SH3D21: variants seen among roughly 807,000 people sequenced by gnomAD.
SH3D21 encodes SH3 domain-containing protein 21.
In SH3D21, 83 loss-of-function variants were observed where a neutral mutation model predicts 82.1. The observed-to-expected ratio is 1.01, with a 90% confidence interval of 0.85 to 1.21. SH3D21 has a LOEUF of 1.21. Among genes scored for constraint, SH3D21 ranks in the 50% most tolerant of loss-of-function variants. SH3D21 has a pLI of 0.00. For synonymous variants in SH3D21, 383 were observed against 387.8 expected, an observed-to-expected ratio of 0.99 and a Z score of 0.15; for missense variants, 980 against 962.1, an observed-to-expected ratio of 1.02 and a Z score of -0.25.
downstream of SH3D21, chr1:36,322,516 C>T: frequency 6.2e-7 from 1 of 1,601,144 alleles, no homozygotes; most frequent in Non-Finnish European, 8.5e-7. Context: ...GGCAGCGTGT[C>T]GTCGGGGCCC....
At chr1:36,310,249 C>A (rs1293312205) in intron 10 of SH3D21, among the ~76,000 whole-genome samples, 2 of 152,206 alleles carry the variant, frequency 1.3e-5, no homozygotes, top group Admixed American at 6.5e-5. Context: ...CCACTGCGCC[C>A]AGCCTTATTT....
At chr1:36,321,570 T>A (rs544274629), downstream of SH3D21, 1 of 794,822 alleles carries the variant, frequency 1.3e-6, no homozygotes, top group South Asian at 2.9e-5. This position sits in a 1 kb window ranked among gnomAD's most constrained non-coding sequence, Gnocchi z 6.1. Flanking sequence ...GGCCTCCCTG[T>A]CCGCTCAGAG....
chr1:36,320,200 CAGA>C lies in SH3D21; in HGVS notation c.1540_1542del (p.Lys514del), dbSNP rs1309914501. 2 of 1,613,276 alleles carry C rather than the reference CAGA, an allele frequency of 1.2e-6. No individual in the cohort carries two copies. The highest frequency in any genetic ancestry group is 2.7e-5 in the African/African-American group (2 of 74,926). On this transcript the variant is annotated inframe_deletion, in exon 14 of 16. Transcript: ENST00000453908. Reference sequence around the variant, plus strand: ...TCACTTCTCTTCGGAGGAAGCCCTGCAGAAGGTCAAGTACTTTGTAGCCAAAGA... The same window carrying C: ...TCACTTCTCTTCGGAGGAAGCCCTGCAGGTCAAGTACTTTGTAGCCAAAGA...
intron 10 of SH3D21, among the ~76,000 whole-genome samples, chr1:36,310,780 G>GT (rs1378492916): frequency 6.6e-6 from 1 of 152,162 alleles, no homozygotes; most frequent in African/African-American, 2.4e-5. Flanking sequence ...GTTCCCCCAA[G>GT]TTTTTAAGTT....
chr1:36,321,323 C>T lies in SH3D21; in HGVS notation c.*196C>T. On this transcript the variant is annotated 3_prime_UTR_variant, in exon 16 of 16. Transcript: ENST00000453908. The surrounding 1 kb of genome is among the most constrained non-coding windows in gnomAD (Gnocchi z 6.1). The stretch of plus-strand genomic sequence containing the variant: ...ACGGTCCCTCCCAGGCACATCTGGC[C>T]AACATGTGGCTCCCATTACCGTTCC... 7.0e-7 allele frequency: 1 copy of T among 1,428,788 alleles called. No homozygotes were observed. Among genetic ancestry groups the T allele is most frequent in the Non-Finnish European group, 9.1e-7 (1 of 1,095,712 alleles). The allele number at this position is 1,428,788 out of a possible 1,614,324, so 88.5% of individuals were successfully genotyped here.
chr1:36,314,812 A>AT (rs766495129), intron 10 of SH3D21, among the ~76,000 whole-genome samples: 1 of 151,944 alleles, frequency 6.6e-6, no homozygotes, highest in Non-Finnish European at 1.5e-5. Context: ...CCATTTATCT[A>AT]TTTTTTTGGT....
chr1:36,312,244 T>C (rs181047981), intron 10 of SH3D21, among the ~76,000 whole-genome samples: 87 of 151,170 alleles, frequency 5.8e-4, no homozygotes, highest in South Asian at 1.9e-3. Context: ...AGGATGGTCT[T>C]GATCTCCTGA....
downstream of SH3D21, chr1:36,322,085 G>T: frequency 7.4e-7 from 1 of 1,355,422 alleles, no homozygotes; most frequent in Non-Finnish European, 9.4e-7. Flanking sequence ...ATCGACCCCA[G>T]AGAGGGAGTG....
Position 36,308,314 on chromosome 1 carries a change from A to G in SH3D21, c.640-75A>G. ...TAAAATAAACGTTGAAATTATATCC[A>G]TAAGAAGGAGTGGGACCCCGGAAAG... On this transcript the variant is annotated intron_variant, in intron 8 of 15. Transcript: ENST00000453908. 2.0e-6 allele frequency: 3 copies of G among 1,493,214 alleles called. No individual in the cohort carries two copies. The Middle Eastern group carries it at 5.2e-4, about 257-fold the overall frequency. The allele number at this position is 1,493,214 out of a possible 1,614,324, so 92.5% of individuals were successfully genotyped here. A position where few individuals can be genotyped will look rare whatever the true frequency, so the allele number is the denominator to read the frequency against.
In SH3D21 at chr1:36,307,247, A is replaced by G; in HGVS notation, c.307A>G (p.Lys103Glu). The change falls in exon 4 of 16, where the codon AAG becomes GAG. Residue 103 changes from lysine (K) to glutamate (E), a missense_variant. Physicochemically the swap from Lys to Glu is moderately conservative, Grantham distance 56. Transcript: ENST00000453908. The surrounding 1 kb of genome is among the most constrained non-coding windows in gnomAD (Gnocchi z 5.4). ...SYSPEQADEL[K>E]LQAGEIVEMI... ...CAGCCCAGAGCAGGCGGACGAGCTGAAGCTGCAAGCTGGGGAGATCGTGGA... is the reference window on the plus strand; with the variant it reads ...CAGCCCAGAGCAGGCGGACGAGCTGGAGCTGCAAGCTGGGGAGATCGTGGA... 6.4e-7 allele frequency: 1 copy of G among 1,551,808 alleles called. No individual in the cohort carries two copies. The highest frequency in any genetic ancestry group is 8.7e-7 in the Non-Finnish European group (1 of 1,147,010).
chr1:36,326,341 C>T (rs569238532), downstream of SH3D21, among the ~76,000 whole-genome samples: 2 of 151,932 alleles, frequency 1.3e-5, no homozygotes, highest in African/African-American at 2.4e-5. Flanking sequence ...GAGTGATTCT[C>T]CTGCCTCAGC....
chr1:36,310,913 T>TG (rs959875878), intron 10 of SH3D21, among the ~76,000 whole-genome samples: 27 of 151,080 alleles, frequency 1.8e-4, no homozygotes, highest in Non-Finnish European at 3.1e-4. Context: ...TTTGTTTGTT[T>TG]TTTTTTTTTT....
Position 36,306,449 on chromosome 1 carries a change from C to A in SH3D21, c.4+25C>A. 7.7e-7 allele frequency: 1 copy of A among 1,305,380 alleles called. No homozygotes were observed. Among genetic ancestry groups the A allele is most frequent in the Non-Finnish European group, 1.0e-6 (1 of 988,966 alleles). The allele number at this position is 1,305,380 out of a possible 1,614,324, so 80.9% of individuals were successfully genotyped here. On this transcript the variant is annotated intron_variant, in intron 1 of 15. Transcript: ENST00000453908. The surrounding 1 kb of genome is among the most constrained non-coding windows in gnomAD (Gnocchi z 4.5). ...GGTAAGTGCGGAGGCTTTGAGGTGG[C>A]CTCTCTCTGCAACCGTGGACATAGC...
rs139950139 is a variant in SH3D21, at chr1:36,320,086, C to T, written c.1423C>T (p.Leu475=). ...AGTCCCTAATCCAAAGATGGCCCCTCTGGGGGATGAGGCCCCCACTCTAGA... is the reference window on the plus strand; with the variant it reads ...AGTCCCTAATCCAAAGATGGCCCCTTTGGGGGATGAGGCCCCCACTCTAGA... ...DKVPNPKMAP[L]GDEAPTLEKV... The change falls in exon 14 of 16, where the codon CTG becomes TTG. Residue 475 remains leucine (L), a synonymous_variant. Transcript: ENST00000453908. 1,003 of 1,614,022 alleles carry T rather than the reference C, an allele frequency of 6.2e-4. 11 individuals carry two copies. The South Asian group carries it at 7.0e-3, about 11-fold the overall frequency.
downstream of SH3D21, among the ~76,000 whole-genome samples, chr1:36,326,598 C>T (rs1646548027): frequency 1.3e-5 from 2 of 152,058 alleles, no homozygotes; most frequent in South Asian, 4.1e-4. Flanking sequence ...GTGTCATGGC[C>T]CTGTGACACA....
chr1:36,306,741 G>A lies in SH3D21; in HGVS notation c.148G>A (p.Glu50Lys), dbSNP rs769865326. The A allele has an allele frequency of 7.8e-7, 1 of 1,289,896 alleles. No homozygotes were observed. Among genetic ancestry groups the A allele is most frequent in the Admixed American group, 2.3e-5 (1 of 43,042 alleles). The allele number at this position is 1,289,896 out of a possible 1,614,324, so 79.9% of individuals were successfully genotyped here. Residue 50 changes from glutamate (E) to lysine (K), a missense_variant, in exon 2 of 16, where the codon GAG becomes AAG. By Grantham distance (56) the Glu-to-Lys change is moderately conservative. Transcript: ENST00000453908. This position sits in a 1 kb window ranked among gnomAD's most constrained non-coding sequence, Gnocchi z 4.5. ...EFGGRYGLFPERLVQEIPETL... is the reference protein window; with the variant it reads ...EFGGRYGLFPKRLVQEIPETL... ...TGGGGGCCGCTATGGCCTCTTCCCCGAGCGCCTGGTGCAGGTGAGGCCGAG... is the reference window on the plus strand; with the variant it reads ...TGGGGGCCGCTATGGCCTCTTCCCCAAGCGCCTGGTGCAGGTGAGGCCGAG...
At chr1:36,323,177 G>C (rs1646497589), downstream of SH3D21, 8 of 913,142 alleles carry the variant, frequency 8.8e-6, no homozygotes, top group Non-Finnish European at 1.3e-5. Flanking sequence ...ACCCTGGAGA[G>C]AGCGCTTCCC....
At position 36,319,546 on chromosome 1, in the gene SH3D21, G is replaced by A. The variant is rs528527638; in HGVS notation, c.1011+10G>A. 59 of 1,551,634 alleles carry A rather than the reference G, an allele frequency of 3.8e-5. 1 individual carries two copies. In the South Asian group the frequency reaches 4.0e-4, roughly 11 times the overall value. On this transcript the variant is annotated intron_variant, in intron 13 of 15. Coordinates refer to ENST00000453908, the MANE Select transcript of SH3D21 (RefSeq NM_001162530.2). ...CTCTGTGTCCAGTCAGGTGAGGGGC[G>A]GGAGACATGGGAGAGTGGGGATGCT...
chr1:36,307,119 CTGACT>C lies in SH3D21; in HGVS notation c.227-47_227-43del. The C allele has an allele frequency of 6.5e-7, 1 of 1,548,886 alleles. No individual in the cohort carries two copies. Among genetic ancestry groups the C allele is most frequent in the Non-Finnish European group, 8.7e-7 (1 of 1,145,426 alleles). On this transcript the variant is annotated intron_variant, in intron 3 of 15. Coordinates refer to ENST00000453908, the MANE Select transcript of SH3D21 (RefSeq NM_001162530.2). The surrounding 1 kb of genome is among the most constrained non-coding windows in gnomAD (Gnocchi z 5.4). Reference sequence around the variant, plus strand: ...GCGCCTTGCGCTTCCCCCAGCTCCTCTGACTGGGGCGTCCGACTGGAGCTCAGCCG... The same window carrying C: ...GCGCCTTGCGCTTCCCCCAGCTCCTCGGGGCGTCCGACTGGAGCTCAGCCG...
Sources: allele counts gnomAD v4.1 joint callset (sites outside exome capture counted in the v4.1 genomes callset), GRCh38; gene constraint gnomAD v4.1.1; non-coding constraint Gnocchi (gnomAD v3.1); transcripts MANE v1.5; gene names NCBI Gene and HGNC (gene_info 2026-07-23, HGNC 2026-07-21).